CYTH4: variants seen among roughly 807,000 people sequenced by gnomAD.
The protein encoded by CYTH4 is cytohesin 4.
A neutral mutation model predicts 57.5 loss-of-function variants in CYTH4; 22 were observed. That is an observed-to-expected ratio of 0.38 (90% confidence interval 0.27 to 0.55). The LOEUF is 0.55. Among genes scored for constraint, CYTH4 ranks in the 20% least tolerant of loss-of-function variants. CYTH4 has a pLI of 0.74. For missense variants in CYTH4, 420 were observed against 535.6 expected, an observed-to-expected ratio of 0.78 and a Z score of 2.13; for synonymous variants, 186 against 206.5, an observed-to-expected ratio of 0.90 and a Z score of 0.85.
chr22:37,284,936 G>A lies in CYTH4; in HGVS notation c.19+2348G>A, dbSNP rs555716761. Reference sequence around the variant, plus strand: ...GCGCAGTTAAAAATAGAGCCAGCTCGGCTGGGGCGGTGGGGGGGCGGCGGG... The same window carrying A: ...GCGCAGTTAAAAATAGAGCCAGCTCAGCTGGGGCGGTGGGGGGGCGGCGGG... On this transcript the variant is annotated intron_variant, in intron 1 of 12. Transcript: ENST00000248901. Among the ~76,000 whole-genome samples, 255 of 141,488 alleles carry A rather than the reference G, an allele frequency of 1.8e-3. 1 individual carries two copies. Among genetic ancestry groups the A allele is most frequent in the African/African-American group, 6.0e-3 (245 of 40,510 alleles). 92.8% of individuals were successfully genotyped at this position (141,488 alleles called of 152,430 possible). A position where few individuals can be genotyped will look rare whatever the true frequency, so the allele number is the denominator to read the frequency against.
intron 3 of CYTH4, 104 bp downstream of exon 3, chr22:37,294,828 T>A: frequency 7.2e-7 from 1 of 1,383,356 alleles, no homozygotes; most frequent in South Asian, 1.2e-5. Context: ...CTGGACCTGG[T>A]GAAATCAGGG....
chr22:37,282,689 C>T, intron 1 of CYTH4, 101 bp downstream of exon 1: 2 of 1,081,304 alleles, frequency 1.8e-6, no homozygotes. Context: ...GAATACAGCG[C>T]AGGTGGGAAA....
intron 1 of CYTH4, among the ~76,000 whole-genome samples, chr22:37,285,364 T>C (rs890857250): frequency 2.6e-5 from 4 of 151,900 alleles, no homozygotes; most frequent in Non-Finnish European, 4.4e-5. Flanking sequence ...GTGGTGGTGG[T>C]GGTGGTGGTA....
chr22:37,283,238 C>T lies in CYTH4; in HGVS notation c.19+650C>T, dbSNP rs560278830. 2.0e-5 allele frequency among the ~76,000 whole-genome samples: 3 copies of T among 152,184 alleles called. No homozygotes were observed. In the East Asian group the frequency reaches 5.8e-4, roughly 29 times the overall value. The stretch of plus-strand genomic sequence containing the variant: ...CAACAGAGGCTCTGGTTGAAACCCT[C>T]CCCAGCTACTAAGACAATGTGTCTG... On this transcript the variant is annotated intron_variant, in intron 1 of 12. Transcript: ENST00000248901.
In CYTH4 at chr22:37,292,610, T is replaced by C. The variant is rs1928787458; in HGVS notation, c.20-11T>C. 1 of 1,613,156 alleles carries C rather than the reference T, an allele frequency of 6.2e-7. No homozygotes were observed. Among genetic ancestry groups the C allele is most frequent in the Non-Finnish European group, 8.5e-7 (1 of 1,179,512 alleles). On this transcript the variant is annotated splice_polypyrimidine_tract_variant and intron_variant, in intron 1 of 12. Coordinates refer to ENST00000248901, the MANE Select transcript of CYTH4 (RefSeq NM_013385.5). ...GCCAAGTGATGGGGAAGGCCGGTTG[T>C]CTCTCTGTAGAGCCCGCGGAGCTGA...
intron 1 of CYTH4, among the ~76,000 whole-genome samples, chr22:37,288,584 A>G (rs79864098): frequency 7.1e-3 from 205 of 28,884 alleles, no homozygotes; most frequent in African/African-American, 0.018. Flanking sequence ...AGACTGTCTC[A>G]AAAAAAAAAA....
Position 37,315,035 on chromosome 22 carries a change from G to T in CYTH4, c.*1524G>T, listed in dbSNP as rs1929808251. 1 of 152,300 alleles carries T rather than the reference G, an allele frequency of 6.6e-6. No homozygotes were observed. The highest frequency in any genetic ancestry group is 1.5e-5 in the Non-Finnish European group (1 of 68,082). 9.4% of individuals were successfully genotyped at this position (152,300 alleles called of 1,614,324 possible). A position where few individuals can be genotyped will look rare whatever the true frequency, so the allele number is the denominator to read the frequency against. On this transcript the variant is annotated 3_prime_UTR_variant, in exon 13 of 13. Coordinates refer to ENST00000248901, the MANE Select transcript of CYTH4 (RefSeq NM_013385.5). ...GGTCTGGGTTGGGCGTCTGCAGGAG[G>T]ACACCTTGTGGGACATCTGAGGACA...
chr22:37,309,122 C>A, intron 8 of CYTH4, 90 bp from the exon 9 acceptor site: 1 of 1,100,666 alleles, frequency 9.1e-7, no homozygotes, highest in Non-Finnish European at 1.3e-6. Flanking sequence ...GGTGAGTGAC[C>A]TGCTCAAGGC....
chr22:37,311,754 G>T lies in CYTH4; in HGVS notation c.957+227G>T, dbSNP rs529935728. The T allele has an allele frequency of 1.1e-5, 7 of 649,966 alleles. No homozygotes were observed. The highest frequency in any genetic ancestry group is 1.8e-5 in the Non-Finnish European group (7 of 381,228). The allele number at this position is 649,966 out of a possible 1,614,324, so 40.3% of individuals were successfully genotyped here. On this transcript the variant is annotated intron_variant, in intron 11 of 12. Transcript: ENST00000248901. This position sits in a 1 kb window ranked among gnomAD's most constrained non-coding sequence, Gnocchi z 4.4. ...TGTCCCCTGTTGTCCCACACAGCCC[G>T]ACTGGCTGGATGGCCCCGAGTAAGC...
At chr22:37,292,413 G>C (rs944773275) in intron 1 of CYTH4, 2 of 560,430 alleles carry the variant, frequency 3.6e-6, no homozygotes, top group Non-Finnish European at 6.4e-6. Context: ...GTCTATCCAG[G>C]GGGGTGGGAG....
Position 37,282,537 on chromosome 22 carries a change from A to G in CYTH4, c.-33A>G. The G allele has an allele frequency of 6.2e-7, 1 of 1,613,654 alleles. No homozygotes were observed. The highest frequency in any genetic ancestry group is 8.5e-7 in the Non-Finnish European group (1 of 1,179,838). The stretch of plus-strand genomic sequence containing the variant: ...AGCAGCTGGGTCGGCAAGCGACAGG[A>G]GCACGGGTCATCTTTTCCCCAGAGG... On this transcript the variant is annotated 5_prime_UTR_variant, in exon 1 of 13. Transcript: ENST00000248901.
intron 1 of CYTH4, among the ~76,000 whole-genome samples, chr22:37,285,494 T>C (rs942000895): frequency 2.0e-5 from 3 of 151,910 alleles, no homozygotes; most frequent in East Asian, 3.9e-4. Context: ...TCACCAGAGG[T>C]CAGGAGATCG....
chr22:37,294,899 G>A (rs992587160), intron 3 of CYTH4, among the ~76,000 whole-genome samples, 175 bp downstream of exon 3: 42 of 152,248 alleles, frequency 2.8e-4, no homozygotes, highest in Non-Finnish European at 1.9e-4. Flanking sequence ...GCCCCATCCC[G>A]GGTCTGGTCC....
Position 37,294,727 on chromosome 22 carries a change from G to A in CYTH4, c.167+3G>A. The A allele has an allele frequency of 6.2e-7, 1 of 1,613,776 alleles. No individual in the cohort carries two copies. Among genetic ancestry groups the A allele is most frequent in the East Asian group, 2.2e-5 (1 of 44,864 alleles). On this transcript the variant is annotated splice_donor_region_variant and intron_variant, in intron 3 of 12. Coordinates refer to ENST00000248901, the MANE Select transcript of CYTH4 (RefSeq NM_013385.5). ...TGCTTCGAGAGTGCGGAGGAGAGGT[G>A]AGGGGCTTGGGTGGGGACCCCCAGA...
chr22:37,290,847 G>C (rs1928724855), intron 1 of CYTH4, among the ~76,000 whole-genome samples: 1 of 152,198 alleles, frequency 6.6e-6, no homozygotes, highest in Non-Finnish European at 1.5e-5. Flanking sequence ...CCTTGGTCAG[G>C]GGAACTCCTG....
In CYTH4 at chr22:37,314,177, C is replaced by T. The variant is rs1929763673; in HGVS notation, c.*666C>T. The T allele has an allele frequency of 2.5e-6, 1 of 394,830 alleles. No individual in the cohort carries two copies. 24.5% of individuals were successfully genotyped at this position (394,830 alleles called of 1,614,324 possible). A position where few individuals can be genotyped will look rare whatever the true frequency, so the allele number is the denominator to read the frequency against. On this transcript the variant is annotated 3_prime_UTR_variant, in exon 13 of 13. Coordinates refer to ENST00000248901, the MANE Select transcript of CYTH4 (RefSeq NM_013385.5). The stretch of plus-strand genomic sequence containing the variant: ...TGCCCATTCTCTAGTTCTTGCAAAA[C>T]TGCAGTGTTTGGACTAGAAACGTAT...
chr22:37,312,172 C>G lies in CYTH4; in HGVS notation c.1110C>G (p.Ile370Met). The change falls in exon 12 of 13, where the codon ATC (isoleucine) becomes ATG (methionine). Residue 370 changes from isoleucine to methionine, a missense_variant and splice_region_variant. By Grantham distance (10) the Ile-to-Met change is conservative (BLOSUM62 1). Coordinates refer to ENST00000248901, the MANE Select transcript of CYTH4 (RefSeq NM_013385.5). Reference protein sequence around the residue: ...AEERDQWIESIRASITRVPFY... With the variant: ...AEERDQWIESMRASITRVPFY... The stretch of plus-strand genomic sequence containing the variant: ...AACGTGACCAGTGGATCGAGTCCAT[C>G]CGGTAAGGGGTGCCCAGGTCTGGGG... The G allele has an allele frequency of 6.2e-7, 1 of 1,614,042 alleles. No homozygotes were observed. The highest frequency in any genetic ancestry group is 8.5e-7 in the Non-Finnish European group (1 of 1,179,880).
intron 4 of CYTH4, 94 bp downstream of exon 4, chr22:37,296,159 C>A: frequency 7.7e-7 from 1 of 1,294,024 alleles, no homozygotes; most frequent in Non-Finnish European, 1.1e-6. Context: ...TGACACGACC[C>A]CTTTCCAGAG....
intron 8 of CYTH4, chr22:37,304,377 A>G (rs536692293): frequency 3.7e-5 from 16 of 429,772 alleles, no homozygotes; most frequent in South Asian, 2.1e-4. Flanking sequence ...CCTGTTTCCT[A>G]TGGGCCACAG....
Sources: allele counts gnomAD v4.1 joint callset (sites outside exome capture counted in the v4.1 genomes callset), GRCh38; gene constraint gnomAD v4.1.1; non-coding constraint Gnocchi (gnomAD v3.1); transcripts MANE v1.5; gene names NCBI Gene and HGNC (gene_info 2026-07-23, HGNC 2026-07-21).